The following MED13L variants were observed in gnomAD, a reference collection of about 807,000 sequenced individuals.
MED13L encodes mediator complex subunit 13L.
A neutral mutation model predicts 220.9 loss-of-function variants in MED13L; 7 were observed. The observed-to-expected ratio is 0.03, with a 90% CI of 0.02 to 0.06. The LOEUF (loss-of-function observed/expected upper bound fraction) is 0.06. MED13L is among the 10% of genes least tolerant of loss of function. MED13L has a pLI of 1.00. For synonymous variants in MED13L, 1,011 were observed against 1,015.2 expected (o/e 1.00, Z 0.08); for missense variants, 1,965 against 2,760.5 (o/e 0.71, Z 6.46).
rs908211827 is a variant in MED13L, at chr12:115,972,009, C to T, written c.5890+69G>A. The T allele has an allele frequency of 5.9e-6, 9 of 1,525,282 alleles. No homozygotes were observed. The African/African-American group carries it at 8.2e-5, about 14-fold the overall frequency. 94.5% of individuals were successfully genotyped at this position (1,525,282 alleles called of 1,614,324 possible). A position where few individuals can be genotyped will look rare whatever the true frequency, so the allele number is the denominator to read the frequency against. ...ATGAAGACAATTCTACCCTTGTCTG[C>T]GGACTTAAGTTTGAGTGGACTGAAT... On this transcript the variant is annotated intron_variant, in intron 26 of 30. Coordinates refer to ENST00000281928, the MANE Select transcript of MED13L (RefSeq NM_015335.5).
At chr12:116,112,484 G>A (rs1874170908) in intron 2 of MED13L, among the ~76,000 whole-genome samples, 2 of 152,128 alleles carry the variant, frequency 1.3e-5, no homozygotes, top group African/African-American at 4.8e-5. Context: ...AAATCAGACA[G>A]CATTTGAAAA....
At chr12:116,251,281 A>G (rs1301258540) in intron 1 of MED13L, among the ~76,000 whole-genome samples, 2 of 144,512 alleles carry the variant, frequency 1.4e-5, no homozygotes, top group African/African-American at 5.0e-5. Context: ...TCTTACAATT[A>G]GAAGGCAGAG....
intron 2 of MED13L, among the ~76,000 whole-genome samples, chr12:116,133,085 G>C (rs1876222738): frequency 2.6e-5 from 4 of 152,122 alleles, no homozygotes; most frequent in Non-Finnish European, 5.9e-5. Flanking sequence ...GATAACACCA[G>C]GCATAAAGAG....
intron 2 of MED13L, among the ~76,000 whole-genome samples, chr12:116,208,563 T>C (rs1033422938): frequency 7.2e-5 from 11 of 152,382 alleles, no homozygotes; most frequent in Non-Finnish European, 8.8e-5. Context: ...AAAACCTTTC[T>C]TCAAATGCTA....
chr12:116,255,877 A>G (rs1482284491), intron 1 of MED13L, among the ~76,000 whole-genome samples: 2 of 152,250 alleles, frequency 1.3e-5, no homozygotes, highest in African/African-American at 2.4e-5. Context: ...GCATGCCAAC[A>G]TGACACTCAA....
At chr12:115,967,178 A>G (rs1023236361) in intron 28 of MED13L, among the ~76,000 whole-genome samples, 1 of 151,228 alleles carries the variant, frequency 6.6e-6, no homozygotes, top group Non-Finnish European at 1.5e-5. Context: ...CTCAAAAAAA[A>G]AAAAAAAAAA....
At chr12:115,988,348 G>C (rs1486001705) in intron 17 of MED13L, among the ~76,000 whole-genome samples, 1 of 152,126 alleles carries the variant, frequency 6.6e-6, no homozygotes, top group Non-Finnish European at 1.5e-5. Context: ...AGCTTCCCTT[G>C]AACTGGGAGA....
chr12:116,134,450 G>A lies in MED13L; in HGVS notation c.311-22938C>T, dbSNP rs142456865. On this transcript the variant is annotated intron_variant, in intron 2 of 30. Coordinates refer to ENST00000281928, the MANE Select transcript of MED13L (RefSeq NM_015335.5). ...TGGTGATATAACAGGGTACTAGGAC[G>A]GTCTCAGCGGTGAAGCAAACTGGCT... Among the ~76,000 whole-genome samples, 346 of 152,126 alleles carry A rather than the reference G, an allele frequency of 2.3e-3. 1 individual carries two copies. Among genetic ancestry groups the A allele is most frequent in the African/African-American group, 7.9e-3 (326 of 41,504 alleles).
chr12:116,255,984 G>C (rs1373330760), intron 1 of MED13L, among the ~76,000 whole-genome samples: 1 of 152,126 alleles, frequency 6.6e-6, no homozygotes. Context: ...CAAAACACTT[G>C]TGGTTCCAAG....
Position 116,044,425 on chromosome 12 carries a change from TCACAC to T in MED13L, c.480-21829_480-21825del, listed in dbSNP as rs1225886469. Among the ~76,000 whole-genome samples, 20 of 152,176 alleles carry T rather than the reference TCACAC, an allele frequency of 1.3e-4. 1 individual carries two copies. The highest frequency in any genetic ancestry group is 5.9e-5 in the Non-Finnish European group (4 of 68,022). ...AGTGAATGTTAGCTCTGTGTTCACT[TCACAC>T]CAACACAGAGAAATCAAATGGTCAA... On this transcript the variant is annotated intron_variant, in intron 4 of 30. Coordinates refer to ENST00000281928, the MANE Select transcript of MED13L (RefSeq NM_015335.5).
chr12:116,042,357 G>A lies in MED13L; in HGVS notation c.480-19756C>T, dbSNP rs1881584116. On this transcript the variant is annotated intron_variant, in intron 4 of 30. Transcript: ENST00000281928. ...GGATGAGGGGCAGGATGCCTTTAAT[G>A]GCACCTTCAGTCCTATGATTCTGAT... 2.6e-5 allele frequency among the ~76,000 whole-genome samples: 4 copies of A among 152,190 alleles called. No individual in the cohort carries two copies. In the South Asian group the frequency reaches 8.3e-4, roughly 32 times the overall value.
In MED13L at chr12:116,241,481, A is replaced by G. The variant is rs976151174; in HGVS notation, c.73-3776T>C. On this transcript the variant is annotated intron_variant, in intron 1 of 30. Transcript: ENST00000281928. ...TCCCCATGAAAATCTATGCACGGTAATTTACTCACTACAACACTTTCACCT... is the reference window on the plus strand; with the variant it reads ...TCCCCATGAAAATCTATGCACGGTAGTTTACTCACTACAACACTTTCACCT... Among the ~76,000 whole-genome samples the G allele has an allele frequency of 1.4e-4, 22 of 152,280 alleles. No individual in the cohort carries two copies. The Middle Eastern group carries it at 0.01, about 71-fold the overall frequency.
At chr12:116,166,853 G>A (rs934598057) in intron 2 of MED13L, among the ~76,000 whole-genome samples, 2 of 151,966 alleles carry the variant, frequency 1.3e-5, no homozygotes, top group Non-Finnish European at 2.9e-5. Flanking sequence ...GTACAGAGAA[G>A]GATTTTAAAA....
At chr12:115,995,226 A>G (rs1481285134) in intron 16 of MED13L, among the ~76,000 whole-genome samples, 1 of 152,116 alleles carries the variant, frequency 6.6e-6, no homozygotes, top group Non-Finnish European at 1.5e-5. Context: ...AATTTGTTTT[A>G]TTGGTTCCTT....
In MED13L at chr12:116,102,703, C is replaced by CCTTTTT. The variant is rs1873175799; in HGVS notation, c.396-5952_396-5951insAAAAAG. On this transcript the variant is annotated intron_variant, in intron 3 of 30. Transcript: ENST00000281928. ...ATCCCTATATTTTCTTTTTCTTTTT[C>CCTTTTT]TTTTTTCTTTTTTTTTTTTTTTTTT... 1.6e-4 allele frequency among the ~76,000 whole-genome samples: 10 copies of CCTTTTT among 63,202 alleles called. 1 individual carries two copies. The highest frequency in any genetic ancestry group is 5.4e-4 in the African/African-American group (10 of 18,674). 41.5% of individuals were successfully genotyped at this position (63,202 alleles called of 152,430 possible).
chr12:115,978,552 C>T (rs972863949), intron 23 of MED13L, among the ~76,000 whole-genome samples: 3 of 152,136 alleles, frequency 2.0e-5, no homozygotes, highest in African/African-American at 7.2e-5. Flanking sequence ...GTCTCGAACT[C>T]CTGACCTCAG....
chr12:116,251,145 AAGGC>A (rs1437124182), intron 1 of MED13L, among the ~76,000 whole-genome samples: 1 of 151,352 alleles, frequency 6.6e-6, no homozygotes. Flanking sequence ...AAAAAAAAAA[AAGGC>A]AGAGGATGAA....
chr12:115,995,474 A>G (rs1037716127), intron 16 of MED13L, among the ~76,000 whole-genome samples: 3 of 152,120 alleles, frequency 2.0e-5, no homozygotes, highest in African/African-American at 7.2e-5. Flanking sequence ...ACCAGGCTGG[A>G]GTGCAGTAGT....
chr12:116,251,095 G>A (rs1242707410), intron 1 of MED13L, among the ~76,000 whole-genome samples: 1 of 149,232 alleles, frequency 6.7e-6, no homozygotes, highest in Non-Finnish European at 1.5e-5. Flanking sequence ...AATAATAAAT[G>A]GAGCCATAAA....
Sources: allele counts gnomAD v4.1 joint callset (sites outside exome capture counted in the v4.1 genomes callset), GRCh38; gene constraint gnomAD v4.1.1; transcripts MANE v1.5; gene names NCBI Gene and HGNC (gene_info 2026-07-23, HGNC 2026-07-21).